Variants in MAGI2 observed in about 807,000 individuals in gnomAD.
The protein encoded by MAGI2 is membrane-associated guanylate kinase, WW and PDZ domain-containing protein 2.
Under a neutral mutation model 133.3 loss-of-function variants are expected in MAGI2, and 35 were observed. The observed-to-expected ratio is 0.26, with a 90% CI of 0.20 to 0.35. The LOEUF is 0.35. Ranked by LOEUF, MAGI2 falls within the 10% of genes least tolerant of loss-of-function variation. The pLI, the probability that MAGI2 is intolerant of heterozygous loss-of-function variation, is 1.00. For missense variants in MAGI2, 1,636 were observed against 1,863.4 expected (o/e 0.88, Z 2.25); for synonymous variants, 729 against 710.6 (o/e 1.03, Z -0.41).
At chr7:78,436,421 C>T (rs531463848) in intron 6 of MAGI2, among the ~76,000 whole-genome samples, 31 of 152,196 alleles carry the variant, frequency 2.0e-4, no homozygotes, top group African/African-American at 6.7e-4. Context: ...AGACCTCTGT[C>T]CTCAACTTTC....
chr7:78,985,057 A>C (rs1200319856), intron 2 of MAGI2, among the ~76,000 whole-genome samples: 1 of 150,160 alleles, frequency 6.7e-6, no homozygotes, highest in Non-Finnish European at 1.5e-5. Flanking sequence ...ACAGGAATGC[A>C]GTGGTGTGAT....
At chr7:78,616,735 G>T (rs963025341) in intron 3 of MAGI2, 1 of 152,146 alleles carries the variant, frequency 6.6e-6, no homozygotes, top group East Asian at 1.9e-4. Flanking sequence ...CAAAGTATTG[G>T]CCTAGAGCCA....
chr7:78,400,324 A>G (rs942102856), intron 6 of MAGI2, among the ~76,000 whole-genome samples: 3 of 150,868 alleles, frequency 2.0e-5, no homozygotes, highest in African/African-American at 4.9e-5. Flanking sequence ...TCCTCTTCCA[A>G]CAAAAATACT....
chr7:78,598,881 T>C (rs1804891561), intron 3 of MAGI2, among the ~76,000 whole-genome samples: 1 of 151,798 alleles, frequency 6.6e-6, no homozygotes, highest in Admixed American at 6.6e-5. Context: ...CCTTGAGAGG[T>C]TTGGAAGAAG....
intron 1 of MAGI2, among the ~76,000 whole-genome samples, chr7:79,436,662 G>C (rs936058424): frequency 6.6e-6 from 1 of 152,094 alleles, no homozygotes; most frequent in African/African-American, 2.4e-5. Flanking sequence ...TTTCACACCA[G>C]AAAGAATGGT....
chr7:79,429,639 A>G (rs1188139159), intron 1 of MAGI2, among the ~76,000 whole-genome samples: 1 of 152,154 alleles, frequency 6.6e-6, no homozygotes, highest in Admixed American at 6.5e-5. Context: ...ATGTATAAAA[A>G]GTTGTTTTAA....
In MAGI2 at chr7:79,373,863, A is replaced by G. The variant is rs149444709; in HGVS notation, c.301+79157T>C. Among the ~76,000 whole-genome samples the G allele has an allele frequency of 1.6e-3, 238 of 152,206 alleles. 2 individuals are homozygous for G. Among genetic ancestry groups the G allele is most frequent in the African/African-American group, 5.3e-3 (220 of 41,550 alleles). On this transcript the variant is annotated intron_variant, in intron 1 of 21. Transcript: ENST00000354212. ...ACCTAAAAATTCTACTCCTTGAAGA[A>G]GTTTGTTGTGCTGTTAATTGTAAAA... is the stretch of plus-strand genomic sequence containing the variant.
intron 2 of MAGI2, among the ~76,000 whole-genome samples, chr7:78,986,453 T>C (rs541222045): frequency 6.6e-6 from 1 of 152,144 alleles, no homozygotes; most frequent in African/African-American, 2.4e-5. Context: ...AAACCTATTA[T>C]CCTATTTGCT....
intron 2 of MAGI2, among the ~76,000 whole-genome samples, chr7:78,822,343 T>C (rs1790198884): frequency 6.6e-6 from 1 of 152,134 alleles, no homozygotes; most frequent in Non-Finnish European, 1.5e-5. Flanking sequence ...TCAATTTTGT[T>C]AACTTTTATG....
chr7:78,328,391 A>G (rs1462909459), intron 9 of MAGI2, among the ~76,000 whole-genome samples: 2 of 151,932 alleles, frequency 1.3e-5, no homozygotes, highest in East Asian at 3.9e-4. Flanking sequence ...TACTGAGTTA[A>G]ATATATAGGA....
At chr7:78,384,208 A>T (rs1034700118) in intron 6 of MAGI2, among the ~76,000 whole-genome samples, 3 of 152,096 alleles carry the variant, frequency 2.0e-5, no homozygotes, top group Admixed American at 1.3e-4. Context: ...TACCAATGGC[A>T]TTACCTAACA....
intron 2 of MAGI2, among the ~76,000 whole-genome samples, chr7:78,712,795 AAAG>A (rs1819325092): frequency 6.6e-6 from 1 of 152,298 alleles, no homozygotes. Flanking sequence ...AAAAAGATTT[AAAG>A]AATTGAGAGA....
At chr7:78,606,036 C>A (rs1805775612) in intron 3 of MAGI2, among the ~76,000 whole-genome samples, 1 of 152,046 alleles carries the variant, frequency 6.6e-6, no homozygotes, top group Non-Finnish European at 1.5e-5. Context: ...AGGAGGTGTT[C>A]AGAAAGTAGA....
In MAGI2 at chr7:79,219,035, A is replaced by C. The variant is rs183624565; in HGVS notation, c.302-211829T>G. On this transcript the variant is annotated intron_variant, in intron 1 of 21. Transcript: ENST00000354212. Reference sequence around the variant, plus strand: ...ATTTTGCCAATTGCCTTGTATTTGCATGCAACTAAGAACATTACCAATAGC... The same window carrying C: ...ATTTTGCCAATTGCCTTGTATTTGCCTGCAACTAAGAACATTACCAATAGC... 8.2e-4 allele frequency among the ~76,000 whole-genome samples: 125 copies of C among 152,220 alleles called. 1 individual carries two copies. Among genetic ancestry groups the C allele is most frequent in the African/African-American group, 2.8e-3 (117 of 41,480 alleles).
intron 1 of MAGI2, among the ~76,000 whole-genome samples, chr7:79,167,345 G>C (rs1585097303): frequency 7.5e-6 from 1 of 132,506 alleles, no homozygotes; most frequent in South Asian, 2.6e-4. Context: ...GCTGAAAACA[G>C]TCACCTTTTT....
At chr7:78,435,194 T>A (rs1489827156) in intron 6 of MAGI2, among the ~76,000 whole-genome samples, 3 of 152,112 alleles carry the variant, frequency 2.0e-5, no homozygotes, top group African/African-American at 7.2e-5. Flanking sequence ...AAAGAGAGAA[T>A]GTGTTAAGAA....
chr7:78,678,685 T>C (rs543629104), intron 2 of MAGI2, among the ~76,000 whole-genome samples: 19 of 152,262 alleles, frequency 1.2e-4, no homozygotes, highest in African/African-American at 4.3e-4. Flanking sequence ...AGTGGTGAGT[T>C]ACCACAGTCC....
intron 2 of MAGI2, among the ~76,000 whole-genome samples, chr7:78,760,659 T>C (rs1824417126): frequency 6.6e-6 from 1 of 152,208 alleles, no homozygotes; most frequent in Non-Finnish European, 1.5e-5. Context: ...TTTGTTTTAT[T>C]AGAAGAAGAA....
At chr7:79,136,303 C>T (rs1821569242) in intron 1 of MAGI2, among the ~76,000 whole-genome samples, 1 of 152,126 alleles carries the variant, frequency 6.6e-6, no homozygotes. Flanking sequence ...GCCAAGAAAG[C>T]TAAGTTCTAA....
Sources: gnomAD v4.1 joint callset for allele counts (sites outside exome capture counted in the v4.1 genomes callset) on GRCh38, gnomAD v4.1.1 for gene constraint, MANE v1.5 for transcripts, NCBI Gene and HGNC (gene_info 2026-07-23, HGNC 2026-07-21) for gene names.